Variants in TAC3 observed in about 807,000 individuals in gnomAD.
TAC3 encodes tachykinin-3.
In TAC3, 9 loss-of-function variants were observed where a neutral mutation model predicts 16.5. The observed-to-expected ratio is 0.55, with a 90% CI of 0.33 to 0.95. The LOEUF is 0.95. Among genes scored for constraint, TAC3 ranks in the 40% least tolerant of loss-of-function variants. The pLI, the probability that TAC3 is intolerant of heterozygous loss-of-function variation, is 0.03. For missense variants in TAC3, 129 were observed against 149.1 expected (o/e 0.87, Z 0.70); for synonymous variants, 52 against 56.7 (o/e 0.92, Z 0.37).
chr12:57,015,977 G>C (rs781039821), intron 1 of TAC3, among the ~76,000 whole-genome samples, 175 bp from the exon 2 acceptor site: 4 of 152,188 alleles, frequency 2.6e-5, no homozygotes, highest in African/African-American at 7.2e-5. Context: ...TTCTGAGAAG[G>C]GGGTACAGCC....
rs1262471866 is a variant in TAC3 at position 57,012,865 on chromosome 12, A to C, written c.249T>G (p.His83Gln). The C allele has an allele frequency of 6.2e-7, 1 of 1,614,072 alleles. No homozygotes were observed. Among genetic ancestry groups the C allele is most frequent in the Non-Finnish European group, 8.5e-7 (1 of 1,180,020 alleles). The change falls in exon 5 of 7, where the codon CAT becomes CAG. Residue 83 changes from histidine to glutamine, a missense_variant. Coordinates refer to ENST00000458521, the MANE Select transcript of TAC3 (RefSeq NM_013251.4). ...ESTSPEKRDM[H>Q]DFFVGLMGKR... ...TGCCCATAAGTCCCACAAAGAAGTCATGCATGTCACCTGCAGAAAAGGGCC... is the reference window on the plus strand; with the variant it reads ...TGCCCATAAGTCCCACAAAGAAGTCCTGCATGTCACCTGCAGAAAAGGGCC...
chr12:57,014,437 C>G (rs560151886), intron 2 of TAC3, among the ~76,000 whole-genome samples: 5 of 152,146 alleles, frequency 3.3e-5, no homozygotes, highest in Non-Finnish European at 7.4e-5. Context: ...ACAGAACACA[C>G]CCCCACACAT....
At chr12:57,012,625 T>A in intron 5 of TAC3, 173 bp from the exon 6 acceptor site, 1 of 1,613,006 alleles carries the variant, frequency 6.2e-7, no homozygotes, top group South Asian at 1.1e-5. Flanking sequence ...GACTACCTTA[T>A]AAAGGTCTCT....
In TAC3 at chr12:57,013,578, C is replaced by A. The variant is rs768463123; in HGVS notation, c.208G>T (p.Asp70Tyr). 6 of 1,613,256 alleles carry A rather than the reference C, an allele frequency of 3.7e-6. No homozygotes were observed. The highest frequency in any genetic ancestry group is 5.1e-6 in the Non-Finnish European group (6 of 1,179,832). Residue 70 changes from aspartate (D) to tyrosine (Y), a missense_variant and splice_region_variant, in exon 3 of 7, where the codon GAT becomes TAT. By Grantham distance (160) the Asp-to-Tyr change is radical (BLOSUM62 -3). Coordinates refer to ENST00000458521, the MANE Select transcript of TAC3 (RefSeq NM_013251.4). ...LLKALSQASTDPKESTSPEKR... is the reference protein window; with the variant it reads ...LLKALSQASTYPKESTSPEKR... The stretch of plus-strand genomic sequence containing the variant: ...CCTCTCCCCTAGGGCCGCCTCCTAC[C>A]TGTGCTAGCCTGGCTCAGGGCTTTG...
At chr12:57,013,735 C>A in intron 2 of TAC3, 64 bp from the exon 3 acceptor site, 2 of 1,320,900 alleles carry the variant, frequency 1.5e-6, no homozygotes, top group East Asian at 2.4e-5. Context: ...ATCCTTTTCC[C>A]ACAAGAAACA....
At chr12:57,011,064 A>G (rs1480307709) in intron 6 of TAC3, among the ~76,000 whole-genome samples, 3 of 152,240 alleles carry the variant, frequency 2.0e-5, no homozygotes, top group African/African-American at 7.2e-5. Context: ...TCGTATAATT[A>G]TCTGGCCGTC....
At position 57,016,471 on chromosome 12, in the gene TAC3, C is replaced by T. The variant is rs1281876288; in HGVS notation, c.-90G>A. The T allele has an allele frequency of 4.4e-6, 2 of 454,422 alleles. No individual in the cohort carries two copies. Among genetic ancestry groups the T allele is most frequent in the Non-Finnish European group, 8.8e-6 (2 of 226,804 alleles). The allele number at this position is 454,422 out of a possible 1,614,324, so 28.1% of individuals were successfully genotyped here. A position where few individuals can be genotyped will look rare whatever the true frequency, so the allele number is the denominator to read the frequency against. On this transcript the variant is annotated 5_prime_UTR_variant, in exon 1 of 7. In the 5' UTR this introduces an upstream ATG that the reference lacks. Transcript: ENST00000458521. Reference sequence around the variant, plus strand: ...GACCGCTGCCTGCTCCCCTCACACACTGGTGCTGCCGGTGCTCCTGCAAAG... The same window carrying T: ...GACCGCTGCCTGCTCCCCTCACACATTGGTGCTGCCGGTGCTCCTGCAAAG...
intron 6 of TAC3, among the ~76,000 whole-genome samples, chr12:57,011,919 G>A (rs959947570): frequency 1.3e-5 from 2 of 152,202 alleles, no homozygotes; most frequent in African/African-American, 4.8e-5. Flanking sequence ...CCTTGTGTAT[G>A]ACTACCTTCT....
chr12:57,010,275 C>T lies in TAC3; in HGVS notation c.*15G>A. 2.3e-6 allele frequency: 1 copy of T among 444,074 alleles called. No individual in the cohort carries two copies. Among genetic ancestry groups the T allele is most frequent in the Non-Finnish European group, 4.5e-6 (1 of 220,786 alleles). The allele number at this position is 444,074 out of a possible 1,614,324, so 27.5% of individuals were successfully genotyped here. A position where few individuals can be genotyped will look rare whatever the true frequency, so the allele number is the denominator to read the frequency against. ...GGTCTTCCTAATGCAGTCCAGGAGT[C>T]CGGAAGTGGAGTACTGAGGACAAAA... On this transcript the variant is annotated 3_prime_UTR_variant, in exon 7 of 7. Transcript: ENST00000458521.
In TAC3 at chr12:57,010,020, A is replaced by G; in HGVS notation, c.*270T>C. On this transcript the variant is annotated 3_prime_UTR_variant, in exon 7 of 7. Transcript: ENST00000458521. ...CATCATTCATATGCAAAAATCCTTT[A>G]TTGTTGAGGAATAGAGAGAGACATT... 1 of 422,524 alleles carries G rather than the reference A, an allele frequency of 2.4e-6. No individual in the cohort carries two copies. The allele number at this position is 422,524 out of a possible 1,614,324, so 26.2% of individuals were successfully genotyped here.
chr12:57,014,027 T>C (rs1956340642), intron 2 of TAC3, among the ~76,000 whole-genome samples: 2 of 152,178 alleles, frequency 1.3e-5, no homozygotes, highest in Non-Finnish European at 2.9e-5. Flanking sequence ...TGTCCATGGA[T>C]GTTTCTCTCC....
chr12:57,012,644 G>A (rs1487490339), intron 5 of TAC3, 178 bp downstream of exon 5: 1 of 1,613,072 alleles, frequency 6.2e-7, no homozygotes, highest in Admixed American at 1.7e-5. Context: ...CTGCTCCTCT[G>A]TTCCCAGGGA....
rs1382624198 is a variant in TAC3, at chr12:57,015,793, C to A, written c.5G>T (p.Arg2Met). ...GATGGCTGTGAATAGCAGCATGATC[C>A]TCATGGTGCCTGGGAGAGCAAAGGG... The part of the protein sequence containing the change: M[R>M]IMLLFTAILA... The change falls in exon 2 of 7, where the codon AGG becomes ATG. Residue 2 changes from arginine (R) to methionine (M), a missense_variant. Coordinates refer to ENST00000458521, the MANE Select transcript of TAC3 (RefSeq NM_013251.4). 6.2e-7 allele frequency: 1 copy of A among 1,613,240 alleles called. No homozygotes were observed. The highest frequency in any genetic ancestry group is 2.2e-5 in the East Asian group (1 of 44,864).
chr12:57,010,150 G>A lies in TAC3; in HGVS notation c.*140C>T, dbSNP rs1296637701. ...GCAGTTTCCACACCAGGGTCAGGTAGAAAAGATGGAGAAGGAGTCAAAGCA... is the reference window on the plus strand; with the variant it reads ...GCAGTTTCCACACCAGGGTCAGGTAAAAAAGATGGAGAAGGAGTCAAAGCA... On this transcript the variant is annotated 3_prime_UTR_variant, in exon 7 of 7. Coordinates refer to ENST00000458521, the MANE Select transcript of TAC3 (RefSeq NM_013251.4). 1 of 454,006 alleles carries A rather than the reference G, an allele frequency of 2.2e-6. No homozygotes were observed. Among genetic ancestry groups the A allele is most frequent in the Non-Finnish European group, 4.4e-6 (1 of 226,804 alleles). The allele number at this position is 454,006 out of a possible 1,614,324, so 28.1% of individuals were successfully genotyped here. A position where few individuals can be genotyped will look rare whatever the true frequency, so the allele number is the denominator to read the frequency against.
intron 2 of TAC3, 27 bp downstream of exon 2, chr12:57,015,657 C>T (rs773288556): frequency 6.2e-7 from 1 of 1,602,496 alleles, no homozygotes; most frequent in South Asian, 1.1e-5. Flanking sequence ...CCGTGATGTC[C>T]CCAGTACTCT....
At chr12:57,015,656 C>T in intron 2 of TAC3, 28 bp downstream of exon 2, 2 of 1,598,224 alleles carry the variant, frequency 1.3e-6, no homozygotes, top group East Asian at 2.2e-5. Context: ...CCCGTGATGT[C>T]CCCAGTACTC....
chr12:57,013,470 G>A lies in TAC3; in HGVS notation c.209-82C>T, dbSNP rs376265990. 23 of 1,591,290 alleles carry A rather than the reference G, an allele frequency of 1.4e-5. No individual in the cohort carries two copies. In the African/African-American group the frequency reaches 1.9e-4, roughly 13 times the overall value. ...CGGGGTTCAGATCACAACCCTCACCGATTCACTAAGCTATCCCCCATCTCT... is the reference window on the plus strand; with the variant it reads ...CGGGGTTCAGATCACAACCCTCACCAATTCACTAAGCTATCCCCCATCTCT... On this transcript the variant is annotated intron_variant, in intron 3 of 6. Transcript: ENST00000458521.
At chr12:57,016,184 A>C (rs980723413) in intron 1 of TAC3, among the ~76,000 whole-genome samples, 10 of 152,170 alleles carry the variant, frequency 6.6e-5, no homozygotes, top group Non-Finnish European at 1.5e-4. Context: ...GACTTAGGCA[A>C]AAACTTTCTG....
At chr12:57,014,326 T>C (rs1433237206) in intron 2 of TAC3, among the ~76,000 whole-genome samples, 2 of 152,050 alleles carry the variant, frequency 1.3e-5, no homozygotes, top group Non-Finnish European at 2.9e-5. Context: ...ACAATGATCA[T>C]GGCTGGAGAT....
Sources: gnomAD v4.1 joint callset for allele counts (sites outside exome capture counted in the v4.1 genomes callset) on GRCh38, gnomAD v4.1.1 for gene constraint, MANE v1.5 for transcripts, NCBI Gene and HGNC (gene_info 2026-07-23, HGNC 2026-07-21) for gene names.